Variants in VWA5B1 observed in about 807,000 individuals in gnomAD.
The protein encoded by VWA5B1 is von Willebrand factor A domain containing 5B1, also known as von Willebrand factor A domain-containing protein 5B1.
A neutral mutation model predicts 118.2 loss-of-function variants in VWA5B1; 115 were observed. The observed-to-expected ratio is 0.97, with a 90% CI of 0.84 to 1.14. The LOEUF is 1.14. Among genes scored for constraint, VWA5B1 ranks in the 50% most tolerant of loss-of-function variants. The probability of loss-of-function intolerance (pLI) is 0.00; values close to 1 mark genes in which losing one functional copy is unlikely to be tolerated. For synonymous variants in VWA5B1, 682 were observed against 658.4 expected (o/e 1.04, Z -0.55); for missense variants, 1,596 against 1,603.8 (o/e 1.00, Z 0.08).
chr1:20,323,482 C>T lies in VWA5B1; in HGVS notation c.1093C>T (p.Leu365Phe), dbSNP rs868007189. 9 of 1,530,604 alleles carry T rather than the reference C, an allele frequency of 5.9e-6. No individual in the cohort carries two copies. The highest frequency in any genetic ancestry group is 1.2e-5 in the South Asian group (1 of 80,498). The allele number at this position is 1,530,604 out of a possible 1,614,324, so 94.8% of individuals were successfully genotyped here. The change falls in exon 8 of 22, where the codon CTC becomes TTC. Residue 365 changes from leucine (L) to phenylalanine (F), a missense_variant. Coordinates refer to ENST00000289815, the MANE Select transcript of VWA5B1 (RefSeq NM_001039500.3). Reference sequence around the variant, plus strand: ...AAAGGCCCACGGGGAGTTCATCTTCCTCATTGACAGGAGCAGCAGCATGAG... The same window carrying T: ...AAAGGCCCACGGGGAGTTCATCTTCTTCATTGACAGGAGCAGCAGCATGAG... Reference protein sequence around the residue: ...LRKAHGEFIFLIDRSSSMSGI... With the variant: ...LRKAHGEFIFFIDRSSSMSGI...
intron 4 of VWA5B1, among the ~76,000 whole-genome samples, chr1:20,316,128 A>T (rs2088999569): frequency 6.6e-6 from 1 of 152,176 alleles, no homozygotes. Context: ...AAATTCAAAA[A>T]CCAGATGATG....
chr1:20,310,549 A>G, intron 1 of VWA5B1, 27 bp from the exon 2 acceptor site: 5 of 1,460,590 alleles, frequency 3.4e-6, no homozygotes, highest in Non-Finnish European at 2.7e-6. Context: ...GCCTCTTCCC[A>G]CTTCCTGCCC....
intron 19 of VWA5B1, 109 bp downstream of exon 19, chr1:20,350,339 C>T: frequency 8.2e-7 from 1 of 1,219,362 alleles, no homozygotes; most frequent in Non-Finnish European, 1.2e-6. Flanking sequence ...TCATGGAGTC[C>T]TCAAAGCAGC....
Position 20,309,911 on chromosome 1 carries a change from G to A in VWA5B1, c.-26-665G>A, listed in dbSNP as rs1373876652. On this transcript the variant is annotated intron_variant, in intron 1 of 21. Transcript: ENST00000289815. ...TGGGTCTTGGCGATGGATTGGCTGT[G>A]TGTGTGTGTGTGTGTGTGTGTGTGT... Among the ~76,000 whole-genome samples, 78 of 74,046 alleles carry A rather than the reference G, an allele frequency of 1.1e-3. 2 individuals carry two copies. Among genetic ancestry groups the A allele is most frequent in the Non-Finnish European group, 7.2e-4 (27 of 37,292 alleles). 48.6% of individuals were successfully genotyped at this position (74,046 alleles called of 152,430 possible).
chr1:20,337,689 G>C lies in VWA5B1; in HGVS notation c.1986G>C (p.Gln662His), dbSNP rs986757053. ...GACGGAGGGCATACAGCACCAACCAGATCACCAATCACAAGCCCCTCCCAA... is the reference window on the plus strand; with the variant it reads ...GACGGAGGGCATACAGCACCAACCACATCACCAATCACAAGCCCCTCCCAA... The part of the protein sequence containing the change: ...SQRRRAYSTN[Q>H]ITNHKPLPRA... Residue 662 changes from glutamine (Q) to histidine (H), a missense_variant, in exon 14 of 22, where the codon CAG (glutamine) becomes CAC (histidine). Physicochemically the swap from Gln to His is conservative, Grantham distance 24 (BLOSUM62 0). Coordinates refer to ENST00000289815, the MANE Select transcript of VWA5B1 (RefSeq NM_001039500.3). 2.6e-6 allele frequency: 4 copies of C among 1,551,556 alleles called. No homozygotes were observed. Among genetic ancestry groups the C allele is most frequent in the African/African-American group, 1.4e-5 (1 of 73,004 alleles).
chr1:20,291,328 GCT>G lies in VWA5B1; in HGVS notation c.-27+253_-27+254del, dbSNP rs1205696173. On this transcript the variant is annotated intron_variant, in intron 1 of 21. Transcript: ENST00000289815. ...GGCCACATGTTGCTACTCAGGTCCA[GCT>G]CTCTCTCTCTCTTTCTTTCTTTCTT... 2.7e-4 allele frequency among the ~76,000 whole-genome samples: 37 copies of G among 135,616 alleles called. No homozygotes were observed. The East Asian group carries it at 7.1e-3, about 26-fold the overall frequency. The allele number at this position is 135,616 out of a possible 152,430, so 89.0% of individuals were successfully genotyped here.
chr1:20,337,517 G>T, intron 13 of VWA5B1, 129 bp from the exon 14 acceptor site: 1 of 1,039,056 alleles, frequency 9.6e-7, no homozygotes, highest in South Asian at 1.8e-5. Flanking sequence ...GCCAGGGGAG[G>T]CATCTGCATA....
chr1:20,316,302 T>A (rs1405737119), intron 4 of VWA5B1, among the ~76,000 whole-genome samples: 3 of 152,138 alleles, frequency 2.0e-5, no homozygotes. Flanking sequence ...GACAGGGATA[T>A]TCATGGTGGC....
chr1:20,323,058 G>A (rs1354162063), intron 7 of VWA5B1: 5 of 234,812 alleles, frequency 2.1e-5, no homozygotes, highest in Middle Eastern at 1.2e-3. Context: ...GACATTATTC[G>A]CCCCATTTTA....
Position 20,325,147 on chromosome 1 carries a change from G to A in VWA5B1, c.1143+1615G>A, listed in dbSNP as rs1017053055. The stretch of plus-strand genomic sequence containing the variant: ...TCCCAGCATCACAGGGCTAGTGAGA[G>A]AGCCTGGGCCTTCTATGTCTTGCTT... On this transcript the variant is annotated intron_variant, in intron 8 of 21. Transcript: ENST00000289815. Among the ~76,000 whole-genome samples the A allele has an allele frequency of 1.2e-4, 18 of 152,240 alleles. No homozygotes were observed. In the South Asian group the frequency reaches 3.1e-3, roughly 26 times the overall value.
chr1:20,326,048 G>A (rs1474546067), intron 8 of VWA5B1, among the ~76,000 whole-genome samples: 1 of 152,232 alleles, frequency 6.6e-6, no homozygotes, highest in African/African-American at 2.4e-5. Context: ...ATAGGTGTGA[G>A]CAGAGACAAT....
chr1:20,298,568 TTC>T (rs2088449733), intron 1 of VWA5B1, among the ~76,000 whole-genome samples: 1 of 152,050 alleles, frequency 6.6e-6, no homozygotes, highest in Admixed American at 6.5e-5. Context: ...TTATGCACAG[TTC>T]TCTTTCTCAT....
chr1:20,310,643 C>T lies in VWA5B1; in HGVS notation c.42C>T (p.Pro14=). 1 of 1,550,416 alleles carries T rather than the reference C, an allele frequency of 6.4e-7. No individual in the cohort carries two copies. The highest frequency in any genetic ancestry group is 8.7e-7 in the Non-Finnish European group (1 of 1,146,482). Residue 14 remains proline (P), a synonymous_variant, in exon 2 of 22, where the codon CCC becomes CCT. Coordinates refer to ENST00000289815, the MANE Select transcript of VWA5B1 (RefSeq NM_001039500.3). ...LLNWITGAAL[P]LTASDVTSCV... is the part of the protein sequence containing the mutation. ...ATTGGATCACGGGGGCAGCCCTGCC[C>T]CTCACCGCGTCTGATGTTACCTCCT... is the stretch of plus-strand genomic sequence containing the variant.
chr1:20,316,942 G>A (rs922021597), intron 4 of VWA5B1, among the ~76,000 whole-genome samples: 1 of 151,992 alleles, frequency 6.6e-6, no homozygotes, highest in Admixed American at 6.6e-5. Context: ...CGGATCACGA[G>A]GTCAGGAGAT....
chr1:20,338,345 GTTTA>G (rs1041505672), intron 14 of VWA5B1: 1 of 312,788 alleles, frequency 3.2e-6, no homozygotes, highest in Non-Finnish European at 6.3e-6. Context: ...AGGATTTTTT[GTTTA>G]TTTGTTTGTT....
intron 12 of VWA5B1, among the ~76,000 whole-genome samples, chr1:20,333,181 G>A (rs1364996494): frequency 6.6e-6 from 1 of 152,190 alleles, no homozygotes; most frequent in Non-Finnish European, 1.5e-5. Flanking sequence ...TGGTTATTAA[G>A]AGCCCCTGCA....
chr1:20,338,295 C>T, intron 14 of VWA5B1: 1 of 346,208 alleles, frequency 2.9e-6, no homozygotes, highest in Non-Finnish European at 5.7e-6. Flanking sequence ...GATTGCACCT[C>T]CTACAAATTC....
intron 5 of VWA5B1, 143 bp from the exon 6 acceptor site, chr1:20,318,447 C>T: frequency 8.4e-7 from 1 of 1,193,212 alleles, no homozygotes; most frequent in East Asian, 2.6e-5. Context: ...GGCAGCCTGG[C>T]CATGGTCACA....
At chr1:20,314,717 T>C (rs922500043) in intron 4 of VWA5B1, 125 bp downstream of exon 4, 83 of 1,447,404 alleles carry the variant, frequency 5.7e-5, no homozygotes, top group Non-Finnish European at 5.4e-5. Context: ...GCTCTACGAT[T>C]GCCACCCTCT....
Sources: allele counts gnomAD v4.1 joint callset (sites outside exome capture counted in the v4.1 genomes callset), GRCh38; gene constraint gnomAD v4.1.1; transcripts MANE v1.5; gene names NCBI Gene and HGNC (gene_info 2026-07-23, HGNC 2026-07-21).